TRIM42: variants seen among roughly 807,000 people sequenced by gnomAD.
TRIM42 encodes tripartite motif containing 42, also known as tripartite motif-containing protein 42.
TRIM42 carries 59 observed loss-of-function variants against 64.9 expected under a neutral mutation model. The observed-to-expected ratio is 0.91, with a 90% CI of 0.74 to 1.13. TRIM42 has a LOEUF of 1.13. TRIM42 is among the 50% of genes most tolerant of loss of function. The pLI is 0.00. For synonymous variants in TRIM42, 354 were observed against 346.3 expected, an observed-to-expected ratio of 1.02 and a Z score of -0.25; for missense variants, 878 against 929.5, an observed-to-expected ratio of 0.94 and a Z score of 0.72.
intron 1 of TRIM42, among the ~76,000 whole-genome samples, chr3:140,681,254 A>G (rs1988386715): frequency 6.6e-6 from 1 of 152,208 alleles, no homozygotes; most frequent in South Asian, 2.1e-4. Context: ...TTCCTATACT[A>G]TGATTTCTCT....
chr3:140,688,463 A>T lies in TRIM42; in HGVS notation c.1781A>T (p.Tyr594Phe), dbSNP rs764846342. ...AACAGCAGCAGCTTCCACAACTGGT[A>T]CTCATTCAACGATGGCTCTGTGAAG... ...VQNSSSFHNW[Y>F]SFNDGSVKTP... Residue 594 changes from tyrosine (Y) to phenylalanine (F), a missense_variant, in exon 3 of 5, where the codon TAC (tyrosine) becomes TTC (phenylalanine). By Grantham distance (22) the Tyr-to-Phe change is conservative. Coordinates refer to ENST00000286349, the MANE Select transcript of TRIM42 (RefSeq NM_152616.5). The T allele has an allele frequency of 1.2e-6, 2 of 1,614,190 alleles. No homozygotes were observed. The highest frequency in any genetic ancestry group is 1.7e-6 in the Non-Finnish European group (2 of 1,180,044).
intron 4 of TRIM42, 53 bp downstream of exon 4, chr3:140,691,245 G>A (rs756914272): frequency 1.4e-6 from 2 of 1,419,624 alleles, no homozygotes; most frequent in Non-Finnish European, 2.0e-6. Context: ...GTAGGTTCTG[G>A]ATGAGGCCCT....
intron 4 of TRIM42, 28 bp downstream of exon 4, chr3:140,691,220 AT>A (rs769741663): frequency 2.5e-5 from 40 of 1,593,948 alleles, no homozygotes; most frequent in African/African-American, 1.6e-4. Context: ...TCTCAGACAG[AT>A]TTTTTTTTCT....
At chr3:140,679,677 A>C (rs1269225347) in intron 1 of TRIM42, among the ~76,000 whole-genome samples, 3 of 152,156 alleles carry the variant, frequency 2.0e-5, no homozygotes, top group African/African-American at 7.2e-5. Context: ...GAAATCCTAA[A>C]ACATGGAAAA....
At chr3:140,698,511 A>C (rs932787197) in intron 4 of TRIM42, among the ~76,000 whole-genome samples, 26 of 152,266 alleles carry the variant, frequency 1.7e-4, no homozygotes, top group African/African-American at 5.3e-4. Flanking sequence ...CACACACACA[A>C]AAAAAGATAA....
chr3:140,678,732 G>T (rs1416375636), intron 1 of TRIM42, among the ~76,000 whole-genome samples, 162 bp downstream of exon 1: 1 of 152,140 alleles, frequency 6.6e-6, no homozygotes, highest in East Asian at 1.9e-4. Flanking sequence ...TATCCTAAAT[G>T]GTCACTATGT....
chr3:140,697,004 T>C (rs949644969), intron 4 of TRIM42, among the ~76,000 whole-genome samples: 1 of 152,204 alleles, frequency 6.6e-6, no homozygotes, highest in Admixed American at 6.5e-5. Context: ...CCATAAGGAA[T>C]AGATTAGAGC....
chr3:140,678,307 C>T lies in TRIM42; in HGVS notation c.78C>T (p.Cys26=), dbSNP rs759955622. ...RCCPQLCSCL[C]CKFIFTSERN... Reference sequence around the variant, plus strand: ...GTCCTCAGTTATGCTCCTGTCTGTGCTGCAAGTTCATCTTCACCTCAGAGC... The same window carrying T: ...GTCCTCAGTTATGCTCCTGTCTGTGTTGCAAGTTCATCTTCACCTCAGAGC... The change falls in exon 1 of 5, where the codon TGC becomes TGT. Residue 26 remains cysteine (C), a synonymous_variant. Transcript: ENST00000286349. The T allele has an allele frequency of 6.2e-7, 1 of 1,614,214 alleles. No homozygotes were observed.
chr3:140,684,958 C>A (rs566070168), intron 2 of TRIM42, among the ~76,000 whole-genome samples: 2 of 152,116 alleles, frequency 1.3e-5, no homozygotes, highest in Admixed American at 6.5e-5. Flanking sequence ...TTTGAGCAGA[C>A]AACAAAGCTC....
chr3:140,681,278 T>C (rs146162118), intron 1 of TRIM42, among the ~76,000 whole-genome samples: 5 of 152,346 alleles, frequency 3.3e-5, no homozygotes, highest in Non-Finnish European at 7.3e-5. Flanking sequence ...CTGCAGACAT[T>C]AGCTGGCTAG....
intron 4 of TRIM42, among the ~76,000 whole-genome samples, chr3:140,691,800 C>T (rs570589445): frequency 6.6e-6 from 1 of 152,126 alleles, no homozygotes; most frequent in Non-Finnish European, 1.5e-5. Context: ...AAGACTTACT[C>T]TTCTTTATAT....
rs909444273 is a variant in TRIM42 at position 140,696,424 on chromosome 3, C to T, written c.2086-4464C>T. On this transcript the variant is annotated intron_variant, in intron 4 of 4. Coordinates refer to ENST00000286349, the MANE Select transcript of TRIM42 (RefSeq NM_152616.5). ...CATTTGTTCACCACATGTTACCTGT[C>T]TATTTCAGGCAGGATGGACACCCAG... 5.1e-4 allele frequency among the ~76,000 whole-genome samples: 78 copies of T among 152,306 alleles called. 1 individual carries two copies. Among genetic ancestry groups the T allele is most frequent in the Middle Eastern group, 6.8e-3 (2 of 294 alleles).
chr3:140,681,448 G>A (rs546345067), intron 1 of TRIM42, among the ~76,000 whole-genome samples: 7 of 147,004 alleles, frequency 4.8e-5, no homozygotes, highest in African/African-American at 1.7e-4. Flanking sequence ...GAACATGAGA[G>A]AGGTTTAAAA....
At chr3:140,678,603 T>G in intron 1 of TRIM42, 33 bp downstream of exon 1, 1 of 1,573,884 alleles carries the variant, frequency 6.4e-7, no homozygotes, top group Non-Finnish European at 8.7e-7. Context: ...GGGGCCGCAT[T>G]GGGTCATGAA....
chr3:140,698,769 A>G (rs1248698181), intron 4 of TRIM42, among the ~76,000 whole-genome samples: 4 of 152,114 alleles, frequency 2.6e-5, no homozygotes, highest in Admixed American at 2.6e-4. Context: ...CTGAGACCCA[A>G]TCTGCTATTT....
At chr3:140,700,648 G>A (rs112820738) in intron 4 of TRIM42, among the ~76,000 whole-genome samples, 32 of 152,348 alleles carry the variant, frequency 2.1e-4, no homozygotes, top group African/African-American at 7.5e-4. Context: ...CTACCCTAAA[G>A]GGAAGTAGGA....
chr3:140,682,100 C>T (rs1988411769), intron 1 of TRIM42, among the ~76,000 whole-genome samples: 1 of 152,210 alleles, frequency 6.6e-6, no homozygotes, highest in Non-Finnish European at 1.5e-5. Flanking sequence ...CAACGCCAGT[C>T]TCTGCTGCTT....
chr3:140,682,833 G>T lies in TRIM42; in HGVS notation c.713G>T (p.Cys238Phe). 1 of 1,614,132 alleles carries T rather than the reference G, an allele frequency of 6.2e-7. No individual in the cohort carries two copies. ...GACCGCTCCTCCGGGCCCATCCTCT[G>T]CCAGGTCTGCCGCAACAAGCGCATC... ...RFDRSSGPIL[C>F]QVCRNKRIAY... is the part of the protein sequence containing the mutation. The change falls in exon 2 of 5, where the codon TGC becomes TTC. Residue 238 changes from cysteine (C) to phenylalanine (F), a missense_variant. Physicochemically the swap from Cys to Phe is radical, Grantham distance 205. Transcript: ENST00000286349.
Position 140,683,162 on chromosome 3 carries a change from C to A in TRIM42, c.1039+3C>A. 1 of 1,613,444 alleles carries A rather than the reference C, an allele frequency of 6.2e-7. No individual in the cohort carries two copies. Among genetic ancestry groups the A allele is most frequent in the South Asian group, 1.1e-5 (1 of 91,064 alleles). On this transcript the variant is annotated splice_donor_region_variant and intron_variant, in intron 2 of 4. Transcript: ENST00000286349. Reference sequence around the variant, plus strand: ...CGCCATCGCCAAGTTCAAAGCAGGTCCTCCCCTTTTCCACTCCTTCAGCCT... The same window carrying A: ...CGCCATCGCCAAGTTCAAAGCAGGTACTCCCCTTTTCCACTCCTTCAGCCT...
Sources: gnomAD v4.1 joint callset for allele counts (sites outside exome capture counted in the v4.1 genomes callset) on GRCh38, gnomAD v4.1.1 for gene constraint, MANE v1.5 for transcripts, NCBI Gene and HGNC (gene_info 2026-07-23, HGNC 2026-07-21) for gene names.